The following GLCCI1 variants were observed in gnomAD, a reference collection of about 807,000 sequenced individuals.
The protein encoded by GLCCI1 is glucocorticoid-induced transcript 1 protein.
A neutral mutation model predicts 52.2 loss-of-function variants in GLCCI1; 24 were observed. The ratio of observed to expected loss-of-function variants is 0.46; its 90% CI spans 0.33 to 0.65. The LOEUF (loss-of-function observed/expected upper bound fraction) is 0.65, where lower values mean the gene tolerates loss of function less well. Among genes scored for constraint, GLCCI1 ranks in the 30% least tolerant of loss-of-function variants. The pLI is 0.02. For synonymous variants in GLCCI1, 310 were observed against 276.5 expected (o/e 1.12, Z -1.20); for missense variants, 704 against 701.5 (o/e 1.00, Z -0.04).
At position 7,969,785 on chromosome 7, in the gene GLCCI1, C is replaced by T. The variant is rs1435988781; in HGVS notation, c.435C>T (p.Ser145=). ...GGAGCAGCTCACCTGAGAGACGGAGCCCCGGCTCGCCCGTGTGCAGAGGTA... is the reference window on the plus strand; with the variant it reads ...GGAGCAGCTCACCTGAGAGACGGAGTCCCGGCTCGCCCGTGTGCAGAGGTA... ...HRRSSSPERR[S]PGSPVCRADK... is the part of the protein sequence containing the mutation. Residue 145 remains serine (S), a synonymous_variant, in exon 1 of 8, where the codon AGC becomes AGT. Coordinates refer to ENST00000223145, the MANE Select transcript of GLCCI1 (RefSeq NM_138426.4). This position sits in a 1 kb window ranked among gnomAD's most constrained non-coding sequence, Gnocchi z 4.9. 2.7e-6 allele frequency: 4 copies of T among 1,483,622 alleles called. No individual in the cohort carries two copies. In the East Asian group the frequency reaches 8.7e-5, roughly 32 times the overall value. 91.9% of individuals were successfully genotyped at this position (1,483,622 alleles called of 1,614,324 possible). A position where few individuals can be genotyped will look rare whatever the true frequency, so the allele number is the denominator to read the frequency against.
intron 4 of GLCCI1, among the ~76,000 whole-genome samples, chr7:8,056,015 C>T (rs981734687): frequency 2.1e-5 from 3 of 145,304 alleles, no homozygotes; most frequent in African/African-American, 7.7e-5. Flanking sequence ...AAACAAAAAC[C>T]AGCCAGGGGC....
intron 2 of GLCCI1, among the ~76,000 whole-genome samples, chr7:8,004,811 G>A (rs1781115102): frequency 2.0e-5 from 3 of 152,216 alleles, no homozygotes; most frequent in African/African-American, 7.2e-5. Context: ...GTATGTAAAT[G>A]TGAGGGCATT....
At chr7:7,998,640 C>T (rs901248980) in intron 1 of GLCCI1, among the ~76,000 whole-genome samples, 23 of 152,292 alleles carry the variant, frequency 1.5e-4, no homozygotes, top group Admixed American at 5.9e-4. Flanking sequence ...TCTAGTGTTC[C>T]TAAGCATTCT....
chr7:8,086,468 A>G lies in GLCCI1; in HGVS notation c.1574A>G (p.Gln525Arg). 1 of 1,613,692 alleles carries G rather than the reference A, an allele frequency of 6.2e-7. No homozygotes were observed. Among genetic ancestry groups the G allele is most frequent in the Non-Finnish European group, 8.5e-7 (1 of 1,179,768 alleles). ...SMEASVQQPS[Q>R]QQQLLQELQG... ...GAGGCCTCTGTCCAGCAGCCATCCCAGCAGCAGCAGCTCCTGCAGGAACTG... is the reference window on the plus strand; with the variant it reads ...GAGGCCTCTGTCCAGCAGCCATCCCGGCAGCAGCAGCTCCTGCAGGAACTG... Residue 525 changes from glutamine to arginine, a missense_variant, in exon 8 of 8, where the codon CAG (glutamine) becomes CGG (arginine). Gln to Arg is a conservative substitution (Grantham distance 43). This residue lies in a region of GLCCI1 where 149 missense variants were observed against 152.9 expected (regional missense o/e 0.97). Coordinates refer to ENST00000223145, the MANE Select transcript of GLCCI1 (RefSeq NM_138426.4). The surrounding 1 kb of genome is among the most constrained non-coding windows in gnomAD (Gnocchi z 4.4).
At chr7:8,004,123 GA>G (rs1340838081) in intron 2 of GLCCI1, 64 bp downstream of exon 2, 5 of 1,377,990 alleles carry the variant, frequency 3.6e-6, no homozygotes, top group Non-Finnish European at 3.9e-6. Flanking sequence ...TCACAGTAAA[GA>G]AAATGTAATA....
chr7:7,999,860 G>A (rs1781018517), intron 1 of GLCCI1, among the ~76,000 whole-genome samples: 1 of 152,140 alleles, frequency 6.6e-6, no homozygotes, highest in Admixed American at 6.5e-5. Context: ...CTGTGATCAT[G>A]CCACTGTCCT....
chr7:8,045,447 T>A (rs138349056), intron 3 of GLCCI1, among the ~76,000 whole-genome samples: 1 of 152,066 alleles, frequency 6.6e-6, no homozygotes, highest in Non-Finnish European at 1.5e-5. Context: ...ATGAACAATA[T>A]GATGAAAGGA....
At chr7:8,069,215 C>G (rs1782699548) in intron 5 of GLCCI1, among the ~76,000 whole-genome samples, 1 of 151,944 alleles carries the variant, frequency 6.6e-6, no homozygotes, top group Non-Finnish European at 1.5e-5. Context: ...TCTCTGGGGT[C>G]CACCCCAGAG....
At chr7:8,074,279 G>T (rs1328342262) in intron 6 of GLCCI1, among the ~76,000 whole-genome samples, 1 of 152,168 alleles carries the variant, frequency 6.6e-6, no homozygotes, top group Non-Finnish European at 1.5e-5. Flanking sequence ...AATACTAAAA[G>T]TGTAAAGGAG....
chr7:8,080,569 C>G (rs1782973838), intron 6 of GLCCI1, among the ~76,000 whole-genome samples: 1 of 151,394 alleles, frequency 6.6e-6, no homozygotes, highest in Non-Finnish European at 1.5e-5. Flanking sequence ...ACCTGGACAA[C>G]CTGGTACTCC....
chr7:8,023,588 C>CCTTTTTTTTTTTTTTTTTTTTTTTTTTTT (rs1781543370), intron 3 of GLCCI1, among the ~76,000 whole-genome samples: 1 of 41,984 alleles, frequency 2.4e-5, no homozygotes, highest in African/African-American at 1.0e-4. Flanking sequence ...CTCTGTTATT[C>CCTTTTTTTTTTTTTTTTTTTTTTTTTTTT]TTTTTTTTTT....
intron 3 of GLCCI1, among the ~76,000 whole-genome samples, chr7:8,042,012 T>C (rs899604588): frequency 6.6e-6 from 1 of 152,216 alleles, no homozygotes; most frequent in Non-Finnish European, 1.5e-5. Context: ...CTGGATGATA[T>C]AGCACATCTA....
intron 1 of GLCCI1, among the ~76,000 whole-genome samples, chr7:7,988,963 C>T (rs1185624769): frequency 6.6e-6 from 1 of 152,052 alleles, no homozygotes; most frequent in Non-Finnish European, 1.5e-5. Flanking sequence ...CTTATGTGGT[C>T]CTCCTCATTC....
intron 1 of GLCCI1, 75 bp from the exon 2 acceptor site, chr7:8,003,833 A>G (rs1296314287): frequency 1.5e-6 from 2 of 1,340,386 alleles, no homozygotes; most frequent in South Asian, 1.4e-5. Context: ...ATGACATTCT[A>G]CAAACTATGA....
At chr7:7,983,525 T>A (rs1174946039) in intron 1 of GLCCI1, among the ~76,000 whole-genome samples, 1 of 152,196 alleles carries the variant, frequency 6.6e-6, no homozygotes, top group Non-Finnish European at 1.5e-5. Flanking sequence ...TATCTGTGCT[T>A]CACCAAATAA....
At chr7:8,011,815 G>GT (rs998736278) in intron 2 of GLCCI1, among the ~76,000 whole-genome samples, 20 of 150,912 alleles carry the variant, frequency 1.3e-4, no homozygotes, top group Non-Finnish European at 2.4e-4. Context: ...GTTGTTTTTT[G>GT]TTTTTTTGTT....
intron 1 of GLCCI1, among the ~76,000 whole-genome samples, chr7:7,972,057 C>T (rs1032364151): frequency 6.6e-6 from 1 of 152,132 alleles, no homozygotes; most frequent in African/African-American, 2.4e-5. Context: ...TAAAACTGTC[C>T]TACTAAACTG....
At position 8,022,583 on chromosome 7, in the gene GLCCI1, GT is replaced by G; in HGVS notation, c.696+18del. On this transcript the variant is annotated intron_variant, in intron 3 of 7. Transcript: ENST00000223145. Reference sequence around the variant, plus strand: ...CAACTAAAAGAGGTAAGTTATTTCTGTTTTCCGTCTGTAACCTGTTTTGGTC... The same window carrying G: ...CAACTAAAAGAGGTAAGTTATTTCTGTTTCCGTCTGTAACCTGTTTTGGTC... 2 of 1,528,924 alleles carry G rather than the reference GT, an allele frequency of 1.3e-6. No homozygotes were observed. The highest frequency in any genetic ancestry group is 2.4e-5 in the East Asian group (1 of 41,410). The allele number at this position is 1,528,924 out of a possible 1,614,324, so 94.7% of individuals were successfully genotyped here. A position where few individuals can be genotyped will look rare whatever the true frequency, so the allele number is the denominator to read the frequency against.
At chr7:8,010,204 A>G (rs1280252074) in intron 2 of GLCCI1, among the ~76,000 whole-genome samples, 1 of 152,186 alleles carries the variant, frequency 6.6e-6, no homozygotes, top group Non-Finnish European at 1.5e-5. Context: ...TGATGGTGTT[A>G]ATCTACAGAG....
Sources: allele counts gnomAD v4.1 joint callset (sites outside exome capture counted in the v4.1 genomes callset), GRCh38; gene constraint gnomAD v4.1.1; regional missense constraint gnomAD v4.1.1; non-coding constraint Gnocchi (gnomAD v3.1); transcripts MANE v1.5; gene names NCBI Gene and HGNC (gene_info 2026-07-23, HGNC 2026-07-21).